Variants in GAPDH observed in about 807,000 individuals in gnomAD.
The protein encoded by GAPDH is OCAS, p38 component.
In GAPDH, 13 loss-of-function variants were observed where a neutral mutation model predicts 31.2. The observed-to-expected ratio is 0.42, with a 90% confidence interval of 0.27 to 0.66. The LOEUF (loss-of-function observed/expected upper bound fraction) is 0.66. Among genes scored for constraint, GAPDH ranks in the 30% least tolerant of loss-of-function variants. GAPDH has a pLI of 0.26. For synonymous variants in GAPDH, 211 were observed against 166.9 expected (o/e 1.26, Z -2.04); for missense variants, 300 against 443.7 (o/e 0.68, Z 2.91).
chr12:6,537,038 G>A lies in GAPDH; in HGVS notation c.327+28G>A. On this transcript the variant is annotated intron_variant, in intron 5 of 8. Transcript: ENST00000229239. The surrounding 1 kb of genome is among the most constrained non-coding windows in gnomAD (Gnocchi z 4.9). ...GAGTGCAGGAGGGCCCGCGGGAGGG[G>A]AAGCTGACTCAGCCCTGCAAAGGCA... The A allele has an allele frequency of 6.2e-7, 1 of 1,608,346 alleles. No individual in the cohort carries two copies. The highest frequency in any genetic ancestry group is 8.5e-7 in the Non-Finnish European group (1 of 1,177,084).
chr12:6,534,939 T>A, intron 2 of GAPDH, 78 bp downstream of exon 2: 1 of 1,495,706 alleles, frequency 6.7e-7, no homozygotes, highest in Non-Finnish European at 9.3e-7. Context: ...GGGCTCCGGG[T>A]CTTTGCAGTC....
At chr12:6,536,857 G>GGTAT in intron 4 of GAPDH, 63 bp from the exon 5 acceptor site, 1 of 1,582,190 alleles carries the variant, frequency 6.3e-7, no homozygotes, top group Admixed American at 1.7e-5. Flanking sequence ...GGCTCCCTTG[G>GGTAT]GTATATGGTA....
chr12:6,535,434 C>G lies in GAPDH; in HGVS notation c.29+573C>G, dbSNP rs573547578. 7 of 987,706 alleles carry G rather than the reference C, an allele frequency of 7.1e-6. No homozygotes were observed. The African/African-American group carries it at 1.2e-4, about 17-fold the overall frequency. 61.2% of individuals were successfully genotyped at this position (987,706 alleles called of 1,614,324 possible). A position where few individuals can be genotyped will look rare whatever the true frequency, so the allele number is the denominator to read the frequency against. On this transcript the variant is annotated intron_variant, in intron 2 of 8. Transcript: ENST00000229239. ...GGAGCGAGGCTAGCTGGCCCGATTT[C>G]TCCTCCGGGTGATGCTTTTCCTAGA...
In GAPDH at chr12:6,537,395, G is replaced by C. The variant is rs1946499892; in HGVS notation, c.525+5G>C. 1 of 1,601,594 alleles carries C rather than the reference G, an allele frequency of 6.2e-7. No homozygotes were observed. On this transcript the variant is annotated splice_donor_5th_base_variant and intron_variant, in intron 7 of 8. Coordinates refer to ENST00000229239, the MANE Select transcript of GAPDH (RefSeq NM_002046.7). The surrounding 1 kb of genome is among the most constrained non-coding windows in gnomAD (Gnocchi z 4.9). The stretch of plus-strand genomic sequence containing the variant: ...GGTATCGTGGAAGGACTCATGGTAT[G>C]AGAGCTGGGGAATGGGACTGAGGCT...
At chr12:6,534,708 A>T (rs1224402782) in intron 1 of GAPDH, 102 bp from the exon 2 acceptor site, 4 of 1,027,408 alleles carry the variant, frequency 3.9e-6, no homozygotes, top group African/African-American at 1.6e-5. Flanking sequence ...GGAGGACGTG[A>T]TGCGGCGCGG....
chr12:6,536,652 C>T, intron 3 of GAPDH, 32 bp from the exon 4 acceptor site: 3 of 1,602,666 alleles, frequency 1.9e-6, no homozygotes, highest in Non-Finnish European at 2.6e-6. Flanking sequence ...GGCTGATGGG[C>T]AGCCCCTTCA....
In GAPDH at chr12:6,537,455, C is replaced by A; in HGVS notation, c.525+65C>A. Reference sequence around the variant, plus strand: ...CTCATCCAAGACTGGCTCCTCCCTGCCGGGGCTGCGTGCAACCCTGGGGTT... The same window carrying A: ...CTCATCCAAGACTGGCTCCTCCCTGACGGGGCTGCGTGCAACCCTGGGGTT... On this transcript the variant is annotated intron_variant, in intron 7 of 8. Transcript: ENST00000229239. This position sits in a 1 kb window ranked among gnomAD's most constrained non-coding sequence, Gnocchi z 4.9. 2 of 1,582,640 alleles carry A rather than the reference C, an allele frequency of 1.3e-6. No homozygotes were observed. The highest frequency in any genetic ancestry group is 8.7e-7 in the Non-Finnish European group (1 of 1,154,238).
chr12:6,535,927 C>G (rs1946453877), intron 2 of GAPDH, among the ~76,000 whole-genome samples: 1 of 152,196 alleles, frequency 6.6e-6, no homozygotes, highest in African/African-American at 2.4e-5. Flanking sequence ...TGGAAAAGAG[C>G]TAGGAAGGAC....
At position 6,534,803 on chromosome 12, in the gene GAPDH, C is replaced by T. The variant is rs749442640; in HGVS notation, c.-23-7C>T. 20 of 1,611,016 alleles carry T rather than the reference C, an allele frequency of 1.2e-5. No individual in the cohort carries two copies. The highest frequency in any genetic ancestry group is 1.7e-5 in the Non-Finnish European group (20 of 1,179,420). On this transcript the variant is annotated splice_polypyrimidine_tract_variant and splice_region_variant and intron_variant, in intron 1 of 8. Coordinates refer to ENST00000229239, the MANE Select transcript of GAPDH (RefSeq NM_002046.7). Reference sequence around the variant, plus strand: ...CTAGGCGCTCACTGTTCTCTCCCTCCGCGCAGCCGAGCCACATCGCTCAGA... The same window carrying T: ...CTAGGCGCTCACTGTTCTCTCCCTCTGCGCAGCCGAGCCACATCGCTCAGA...
intron 2 of GAPDH, among the ~76,000 whole-genome samples, chr12:6,535,909 C>T (rs1250832536): frequency 8.2e-6 from 1 of 121,340 alleles, no homozygotes; most frequent in African/African-American, 2.6e-5. Flanking sequence ...GCTCCCACTC[C>T]TGATTTCTGG....
At chr12:6,535,382 G>T (rs1946441057) in intron 2 of GAPDH, 1 of 989,364 alleles carries the variant, frequency 1.0e-6, no homozygotes, top group Non-Finnish European at 1.2e-6. Context: ...TCGATGGGTG[G>T]AGTCGCGTGT....
At chr12:6,536,632 G>A in intron 3 of GAPDH, 39 bp downstream of exon 3, 1 of 1,604,564 alleles carries the variant, frequency 6.2e-7, no homozygotes, top group Non-Finnish European at 8.5e-7. Flanking sequence ...TGGTGTGGGA[G>A]GAGCCACCTG....
intron 2 of GAPDH, chr12:6,535,234 G>A: frequency 2.8e-6 from 3 of 1,085,926 alleles, no homozygotes; most frequent in South Asian, 3.3e-5. Flanking sequence ...CGCAGGCCCC[G>A]GGATGCTAGT....
intron 2 of GAPDH, 143 bp from the exon 3 acceptor site, chr12:6,536,351 G>A (rs1380482936): frequency 4.5e-6 from 3 of 662,920 alleles, no homozygotes; most frequent in South Asian, 1.7e-5. Flanking sequence ...GGAAGCTCAA[G>A]GGAGATAAAA....
At chr12:6,536,653 A>C (rs756268532) in intron 3 of GAPDH, 31 bp from the exon 4 acceptor site, 2 of 1,604,172 alleles carry the variant, frequency 1.2e-6, no homozygotes, top group Non-Finnish European at 1.7e-6. Context: ...GCTGATGGGC[A>C]GCCCCTTCAT....
In GAPDH at chr12:6,535,168, C is replaced by A. The variant is rs533689150; in HGVS notation, c.29+307C>A. On this transcript the variant is annotated intron_variant, in intron 2 of 8. Coordinates refer to ENST00000229239, the MANE Select transcript of GAPDH (RefSeq NM_002046.7). Reference sequence around the variant, plus strand: ...AGGTGGGGGACGCTTTCTTTCCTTTCGCGCTCTGCGGGGTCACGTGTCGCA... The same window carrying A: ...AGGTGGGGGACGCTTTCTTTCCTTTAGCGCTCTGCGGGGTCACGTGTCGCA... 1.0e-5 allele frequency: 11 copies of A among 1,083,778 alleles called. No individual in the cohort carries two copies. In the East Asian group the frequency reaches 2.7e-4, roughly 27 times the overall value. The allele number at this position is 1,083,778 out of a possible 1,614,324, so 67.1% of individuals were successfully genotyped here.
Position 6,537,464 on chromosome 12 carries a change from C to A in GAPDH, c.525+74C>A. 1 of 1,579,584 alleles carries A rather than the reference C, an allele frequency of 6.3e-7. No individual in the cohort carries two copies. Among genetic ancestry groups the A allele is most frequent in the Non-Finnish European group, 8.7e-7 (1 of 1,152,058 alleles). ...GACTGGCTCCTCCCTGCCGGGGCTG[C>A]GTGCAACCCTGGGGTTGGGGGTTCT... On this transcript the variant is annotated intron_variant, in intron 7 of 8. Coordinates refer to ENST00000229239, the MANE Select transcript of GAPDH (RefSeq NM_002046.7). This position sits in a 1 kb window ranked among gnomAD's most constrained non-coding sequence, Gnocchi z 4.9.
chr12:6,536,608 G>A lies in GAPDH; in HGVS notation c.129+15G>A, dbSNP rs373399530. ...TCAACTACATGGTGAGTGCTACATGGTGAGCCCCAAAGCTGGTGTGGGAGG... is the reference window on the plus strand; with the variant it reads ...TCAACTACATGGTGAGTGCTACATGATGAGCCCCAAAGCTGGTGTGGGAGG... On this transcript the variant is annotated intron_variant, in intron 3 of 8. Coordinates refer to ENST00000229239, the MANE Select transcript of GAPDH (RefSeq NM_002046.7). 915 of 1,611,270 alleles carry A rather than the reference G, an allele frequency of 5.7e-4. No individual in the cohort carries two copies. Among genetic ancestry groups the A allele is most frequent in the Non-Finnish European group, 6.3e-4 (744 of 1,177,618 alleles).
intron 4 of GAPDH, 23 bp from the exon 5 acceptor site, chr12:6,536,897 C>G: frequency 6.2e-7 from 1 of 1,600,262 alleles, no homozygotes; most frequent in Non-Finnish European, 8.6e-7. Flanking sequence ...GGTCCTGTCC[C>G]CATCTCCCCC....
Sources: allele counts gnomAD v4.1 joint callset (sites outside exome capture counted in the v4.1 genomes callset), GRCh38; gene constraint gnomAD v4.1.1; non-coding constraint Gnocchi (gnomAD v3.1); transcripts MANE v1.5; gene names NCBI Gene and HGNC (gene_info 2026-07-23, HGNC 2026-07-21).